Variants in GNA14 observed in about 807,000 individuals in gnomAD.
GNA14 encodes the protein guanine nucleotide-binding protein subunit alpha-14.
A neutral mutation model predicts 42.0 loss-of-function variants in GNA14; 50 were observed. The ratio of observed to expected loss-of-function variants is 1.19; its 90% CI spans 0.95 to 1.51. The LOEUF is 1.51. Ranked by LOEUF, GNA14 falls within the 40% of genes most tolerant of loss-of-function variation. The probability of loss-of-function intolerance (pLI) is 0.00; values close to 1 mark genes in which losing one functional copy is unlikely to be tolerated. For missense variants in GNA14, 473 were observed against 446.2 expected, an observed-to-expected ratio of 1.06 and a Z score of -0.54; for synonymous variants, 173 against 163.1, an observed-to-expected ratio of 1.06 and a Z score of -0.46.
intron 2 of GNA14, among the ~76,000 whole-genome samples, chr9:77,473,592 C>G (rs1836368873): frequency 6.7e-6 from 1 of 148,872 alleles, no homozygotes; most frequent in South Asian, 2.1e-4. Context: ...AATACAATCT[C>G]TATTAAAATT....
intron 2 of GNA14, among the ~76,000 whole-genome samples, chr9:77,483,385 G>A (rs1214635952): frequency 2.0e-5 from 3 of 152,124 alleles, no homozygotes; most frequent in South Asian, 4.1e-4. Context: ...GTAGAACAGC[G>A]GATATGGGTG....
intron 1 of GNA14, among the ~76,000 whole-genome samples, chr9:77,600,026 T>TG (rs1487751841): frequency 6.6e-6 from 1 of 152,216 alleles, no homozygotes; most frequent in Admixed American, 6.5e-5. Context: ...CATTCCACAA[T>TG]GCATACATAC....
At chr9:77,499,062 T>A (rs1198124183) in intron 2 of GNA14, among the ~76,000 whole-genome samples, 6 of 152,106 alleles carry the variant, frequency 3.9e-5, no homozygotes, top group Non-Finnish European at 1.5e-5. Context: ...GGGAGAACAA[T>A]GGGAAAAATG....
intron 1 of GNA14, among the ~76,000 whole-genome samples, chr9:77,541,624 G>A (rs1229251544): frequency 2.0e-5 from 3 of 152,094 alleles, no homozygotes; most frequent in African/African-American, 7.2e-5. Context: ...CATTAAATAT[G>A]TTTTCTAACA....
intron 1 of GNA14, among the ~76,000 whole-genome samples, chr9:77,585,595 G>A (rs1041523717): frequency 6.6e-6 from 1 of 152,088 alleles, no homozygotes; most frequent in African/African-American, 2.4e-5. Flanking sequence ...CAGCCTCCTG[G>A]CTCTCATCTC....
At chr9:77,502,815 G>A (rs1836997582) in intron 2 of GNA14, among the ~76,000 whole-genome samples, 1 of 152,176 alleles carries the variant, frequency 6.6e-6, no homozygotes, top group Admixed American at 6.5e-5. Context: ...GGGTGTGGGT[G>A]GGGCCACAGT....
At position 77,464,331 on chromosome 9, in the gene GNA14, ATGTGTGTGTGTGTGTGTATATGTGTGTG is replaced by A. The variant is rs1428622488; in HGVS notation, c.310-29837_310-29810del. On this transcript the variant is annotated intron_variant, in intron 2 of 6. Transcript: ENST00000341700. ...TGTATGTGAGAGTGTGTGTATATAT[ATGTGTGTGTGTGTGTGTATATGTGTGTG>A]TGTGTGTGTGTGTGTGTGTGTGTGT... Among the ~76,000 whole-genome samples the A allele has an allele frequency of 7.7e-5, 11 of 142,844 alleles. No individual in the cohort carries two copies. The South Asian group carries it at 1.1e-3, about 15-fold the overall frequency. 93.7% of individuals were successfully genotyped at this position (142,844 alleles called of 152,430 possible).
intron 2 of GNA14, among the ~76,000 whole-genome samples, chr9:77,448,598 T>A (rs561853910): frequency 1.3e-5 from 2 of 152,330 alleles, no homozygotes; most frequent in African/African-American, 4.8e-5. Flanking sequence ...CCATCATAAG[T>A]CTAGGAGCAT....
intron 2 of GNA14, among the ~76,000 whole-genome samples, chr9:77,499,130 T>C (rs1322921175): frequency 6.6e-6 from 1 of 152,188 alleles, no homozygotes; most frequent in Non-Finnish European, 1.5e-5. Context: ...AAGGAAAGGC[T>C]AAGTAATTTA....
intron 2 of GNA14, among the ~76,000 whole-genome samples, chr9:77,500,017 ATTTCT>A (rs535826328): frequency 1.3e-3 from 202 of 151,168 alleles, no homozygotes; most frequent in Middle Eastern, 3.4e-3. Context: ...ATTTCTGATA[ATTTCT>A]TTTCTTTTTT....
intron 1 of GNA14, among the ~76,000 whole-genome samples, chr9:77,542,222 G>C (rs1837669249): frequency 1.3e-5 from 2 of 151,972 alleles, no homozygotes. Flanking sequence ...ACTTTTTTGT[G>C]ACGAGATATA....
At chr9:77,516,225 T>C (rs1837255281) in intron 2 of GNA14, among the ~76,000 whole-genome samples, 1 of 152,222 alleles carries the variant, frequency 6.6e-6, no homozygotes, top group African/African-American at 2.4e-5. Flanking sequence ...TAGAAAGCAC[T>C]CTTAGCTTGT....
chr9:77,434,408 C>CG lies in GNA14; in HGVS notation c.423dup (p.Asp142ArgfsTer18). ...GACAGCTGGTACTCCCTCCTCCTGT[C>CG]GTAACACTCCTGGATGCCTGGATCT... On this transcript the variant is annotated frameshift_variant, in exon 3 of 7. Transcript: ENST00000341700. LOFTEE classifies it high-confidence loss of function. The CG allele has an allele frequency of 6.2e-7, 1 of 1,614,120 alleles. No homozygotes were observed. The highest frequency in any genetic ancestry group is 8.5e-7 in the Non-Finnish European group (1 of 1,179,990).
chr9:77,491,181 T>G (rs1339134357), intron 2 of GNA14, among the ~76,000 whole-genome samples: 1 of 152,186 alleles, frequency 6.6e-6, no homozygotes, highest in East Asian at 1.9e-4. Flanking sequence ...GCTGAGAGAA[T>G]TCACCAGACT....
chr9:77,558,003 A>C (rs1183158258), intron 1 of GNA14, among the ~76,000 whole-genome samples: 1 of 152,070 alleles, frequency 6.6e-6, no homozygotes, highest in Non-Finnish European at 1.5e-5. Context: ...CCCCAGCCCC[A>C]TTTTTACAAA....
intron 1 of GNA14, among the ~76,000 whole-genome samples, chr9:77,543,795 T>C (rs1837689091): frequency 6.6e-6 from 1 of 152,218 alleles, no homozygotes. Context: ...TTCCACGATG[T>C]ATTTAAAGTG....
At chr9:77,605,440 C>T (rs900304729) in intron 1 of GNA14, among the ~76,000 whole-genome samples, 7 of 152,190 alleles carry the variant, frequency 4.6e-5, no homozygotes, top group Non-Finnish European at 1.0e-4. Flanking sequence ...AGGAAGGTCA[C>T]TCTCACCTTC....
rs149278638 is a variant in GNA14 at position 77,532,998 on chromosome 9, C to T, written c.125-3745G>A. Among the ~76,000 whole-genome samples, 5 of 152,238 alleles carry T rather than the reference C, an allele frequency of 3.3e-5. No homozygotes were observed. The East Asian group carries it at 9.7e-4, about 29-fold the overall frequency. On this transcript the variant is annotated intron_variant, in intron 1 of 6. Transcript: ENST00000341700. Reference sequence around the variant, plus strand: ...GAGGGGTCACAGTCCAGAGGGCTTGCAATCCTGGACCCAATCCAAAAAGTC... The same window carrying T: ...GAGGGGTCACAGTCCAGAGGGCTTGTAATCCTGGACCCAATCCAAAAAGTC...
At chr9:77,435,343 C>T (rs1288307243) in intron 2 of GNA14, among the ~76,000 whole-genome samples, 13 of 151,686 alleles carry the variant, frequency 8.6e-5, no homozygotes, top group South Asian at 2.1e-4. Context: ...GGTGACAGAG[C>T]GAGACTCTGT....
Sources: gnomAD v4.1 joint callset for allele counts (sites outside exome capture counted in the v4.1 genomes callset) on GRCh38, gnomAD v4.1.1 for gene constraint, MANE v1.5 for transcripts, NCBI Gene and HGNC (gene_info 2026-07-23, HGNC 2026-07-21) for gene names.